Variants in AP4S1 observed in about 807,000 individuals in gnomAD.
AP4S1 encodes AP-4 complex subunit sigma-1.
In AP4S1, 23 loss-of-function variants were observed where a neutral mutation model predicts 19.8. That is an observed-to-expected ratio of 1.16 (90% CI 0.84 to 1.65). The LOEUF (loss-of-function observed/expected upper bound fraction) is 1.65. AP4S1 is among the 40% of genes most tolerant of loss of function. AP4S1 has a pLI of 0.00. For missense variants in AP4S1, 166 were observed against 172.8 expected (o/e 0.96, Z 0.22); for synonymous variants, 46 against 54.1 (o/e 0.85, Z 0.66).
In AP4S1 at chr14:31,096,112, G is replaced by T. The variant is rs904601256; in HGVS notation, c.*3077G>T. 1.4e-4 allele frequency: 17 copies of T among 124,148 alleles called. No individual in the cohort carries two copies. The highest frequency in any genetic ancestry group is 2.7e-4 in the Non-Finnish European group (16 of 58,182). The allele number at this position is 124,148 out of a possible 1,614,324, so 7.7% of individuals were successfully genotyped here. ...CTCAAAAAAAAAAAAAAAAAAAAAA[G>T]TAGAAAGCAAGAAAGTGTCTCTGTA... On this transcript the variant is annotated 3_prime_UTR_variant, in exon 6 of 6. Coordinates refer to ENST00000542754, the MANE Select transcript of AP4S1 (RefSeq NM_001128126.3).
At chr14:31,053,275 T>C (rs1885911094) in intron 1 of AP4S1, among the ~76,000 whole-genome samples, 1 of 152,182 alleles carries the variant, frequency 6.6e-6, no homozygotes, top group South Asian at 2.1e-4. Flanking sequence ...TTATGTCATT[T>C]GCCTCATTTA....
At chr14:31,081,249 C>T (rs934914902) in intron 5 of AP4S1, among the ~76,000 whole-genome samples, 1 of 152,178 alleles carries the variant, frequency 6.6e-6, no homozygotes, top group Non-Finnish European at 1.5e-5. Flanking sequence ...CCTCCAGAAA[C>T]TGGATTTCCA....
chr14:31,038,696 T>G (rs1884916384), intron 1 of AP4S1, among the ~76,000 whole-genome samples: 1 of 152,134 alleles, frequency 6.6e-6, no homozygotes, highest in Admixed American at 6.6e-5. Flanking sequence ...GTAATTAAAT[T>G]TTCACATCTG....
At chr14:31,073,895 T>A (rs1247616776) in intron 4 of AP4S1, among the ~76,000 whole-genome samples, 1 of 152,062 alleles carries the variant, frequency 6.6e-6, no homozygotes, top group Admixed American at 6.6e-5. Context: ...TTAAGAATCA[T>A]TCCCATCCAA....
intron 2 of AP4S1, 110 bp from the exon 3 acceptor site, chr14:31,069,733 A>C (rs7150619): frequency 1.2e-6 from 1 of 864,038 alleles, no homozygotes; most frequent in Non-Finnish European, 2.0e-6. Context: ...TTAATATTCT[A>C]TATTTCTAGG....
At chr14:31,067,808 C>T (rs1044942279) in intron 2 of AP4S1, among the ~76,000 whole-genome samples, 3 of 151,872 alleles carry the variant, frequency 2.0e-5, no homozygotes, top group Non-Finnish European at 2.9e-5. Flanking sequence ...CATGAGCCAC[C>T]GTGCCAGGCC....
chr14:31,049,435 A>ATATATATATATG lies in AP4S1; in HGVS notation c.-71-16680_-71-16679insGTATATATATAT, dbSNP rs1885634152. On this transcript the variant is annotated intron_variant, in intron 1 of 5. Coordinates refer to ENST00000542754, the MANE Select transcript of AP4S1 (RefSeq NM_001128126.3). ...TCTCAAAAAAAAAAAAAAAATATAT[A>ATATATATATATG]TATATATATATATATATATATATAT... Among the ~76,000 whole-genome samples, 3 of 42,348 alleles carry ATATATATATATG rather than the reference A, an allele frequency of 7.1e-5. 1 individual carries two copies. Among genetic ancestry groups the ATATATATATATG allele is most frequent in the African/African-American group, 3.3e-4 (3 of 9,006 alleles). The allele number at this position is 42,348 out of a possible 152,430, so 27.8% of individuals were successfully genotyped here. A position where few individuals can be genotyped will look rare whatever the true frequency, so the allele number is the denominator to read the frequency against.
chr14:31,027,385 G>C (rs1566505651), intron 1 of AP4S1: 1 of 152,150 alleles, frequency 6.6e-6, no homozygotes. Context: ...GAATATGGCC[G>C]GGCGCGGCTG....
intron 1 of AP4S1, among the ~76,000 whole-genome samples, chr14:31,039,675 C>T (rs1409302350): frequency 1.3e-5 from 2 of 151,380 alleles, no homozygotes; most frequent in Admixed American, 6.6e-5. Flanking sequence ...CGGGTTCACG[C>T]CATTCTCCGG....
intron 1 of AP4S1, among the ~76,000 whole-genome samples, chr14:31,055,924 A>C (rs954253959): frequency 6.6e-6 from 1 of 151,438 alleles, no homozygotes; most frequent in Non-Finnish European, 1.5e-5. Context: ...ACTCACTGCA[A>C]CCTCAGCCTC....
At chr14:31,076,117 T>G (rs2139083326) in intron 4 of AP4S1, among the ~76,000 whole-genome samples, 1 of 152,350 alleles carries the variant, frequency 6.6e-6, no homozygotes, top group South Asian at 2.1e-4. Flanking sequence ...TAAATAATGC[T>G]CATATGAACA....
intron 1 of AP4S1, among the ~76,000 whole-genome samples, chr14:31,062,278 T>C (rs889823749): frequency 1.3e-5 from 2 of 151,970 alleles, no homozygotes; most frequent in African/African-American, 4.8e-5. Flanking sequence ...TTTGTATTTT[T>C]AGTAGAGATA....
rs932222653 is a variant in AP4S1, at chr14:31,025,757, T to C, written c.-102T>C. 14 of 1,122,916 alleles carry C rather than the reference T, an allele frequency of 1.2e-5. No individual in the cohort carries two copies. The Admixed American group carries it at 3.5e-4, about 28-fold the overall frequency. The allele number at this position is 1,122,916 out of a possible 1,614,324, so 69.6% of individuals were successfully genotyped here. A position where few individuals can be genotyped will look rare whatever the true frequency, so the allele number is the denominator to read the frequency against. ...GGAGGGGGACTCCAGGAAAAGCCGT[T>C]GAGAGGACCATCACAACCTGAGCAG... On this transcript the variant is annotated 5_prime_UTR_variant, in exon 1 of 6. Transcript: ENST00000542754.
At chr14:31,050,046 T>C (rs1251479520) in intron 1 of AP4S1, among the ~76,000 whole-genome samples, 1 of 152,118 alleles carries the variant, frequency 6.6e-6, no homozygotes, top group Non-Finnish European at 1.5e-5. Flanking sequence ...CTCAGCCTCC[T>C]GAGTAGCTGG....
intron 1 of AP4S1, among the ~76,000 whole-genome samples, chr14:31,045,964 A>ATTT (rs34459906): frequency 7.7e-6 from 1 of 130,580 alleles, no homozygotes. Flanking sequence ...AAGGAGCTAG[A>ATTT]TTTTTTTTTT....
chr14:31,047,454 C>G (rs947284361), intron 1 of AP4S1, among the ~76,000 whole-genome samples: 2 of 145,194 alleles, frequency 1.4e-5, no homozygotes, highest in African/African-American at 2.6e-5. Flanking sequence ...GTGGCGCGAT[C>G]TTGACTCACT....
chr14:31,085,373 C>G lies in AP4S1; in HGVS notation c.306+4789C>G, dbSNP rs186007699. ...CCACCTACGTGCCTGGGGAGAGAAG[C>G]AAGAGCAGGCTGGAGTCTCTACTTT... On this transcript the variant is annotated intron_variant, in intron 5 of 5. Coordinates refer to ENST00000542754, the MANE Select transcript of AP4S1 (RefSeq NM_001128126.3). 9.1e-6 allele frequency: 9 copies of G among 990,880 alleles called. No individual in the cohort carries two copies. The Admixed American group carries it at 3.5e-4, about 38-fold the overall frequency. The allele number at this position is 990,880 out of a possible 1,614,324, so 61.4% of individuals were successfully genotyped here.
intron 1 of AP4S1, among the ~76,000 whole-genome samples, chr14:31,031,053 G>A (rs779643647): frequency 1.3e-5 from 2 of 152,082 alleles, no homozygotes; most frequent in Non-Finnish European, 2.9e-5. Context: ...TGCTGTTCTC[G>A]TGATAGTGAG....
At chr14:31,050,097 CTT>C (rs1241540902) in intron 1 of AP4S1, among the ~76,000 whole-genome samples, 2 of 152,072 alleles carry the variant, frequency 1.3e-5, no homozygotes, top group African/African-American at 4.8e-5. Flanking sequence ...AATTTTTGTA[CTT>C]TTAGTAGAGA....
Sources: gnomAD v4.1 joint callset for allele counts (sites outside exome capture counted in the v4.1 genomes callset) on GRCh38, gnomAD v4.1.1 for gene constraint, MANE v1.5 for transcripts, NCBI Gene and HGNC (gene_info 2026-07-23, HGNC 2026-07-21) for gene names.